Variants in ATXN2 observed in about 807,000 individuals in gnomAD.
ATXN2 encodes the protein ataxin-2.
A neutral mutation model predicts 138.6 loss-of-function variants in ATXN2; 37 were observed. The observed-to-expected ratio is 0.27, with a 90% CI of 0.21 to 0.35. ATXN2 has a LOEUF of 0.35. Ranked by LOEUF, ATXN2 falls within the 10% of genes least tolerant of loss-of-function variation. The probability of loss-of-function intolerance (pLI) is 1.00; values close to 1 mark genes in which losing one functional copy is unlikely to be tolerated. For synonymous variants in ATXN2, 549 were observed against 543.7 expected, an observed-to-expected ratio of 1.01 and a Z score of -0.13; for missense variants, 1,216 against 1,480.3, an observed-to-expected ratio of 0.82 and a Z score of 2.93.
intron 1 of ATXN2, among the ~76,000 whole-genome samples, chr12:111,587,339 A>G (rs1214831372): frequency 6.6e-6 from 1 of 152,166 alleles, no homozygotes; most frequent in Non-Finnish European, 1.5e-5. Flanking sequence ...ATGACTTTAA[A>G]AAGCAATATG....
rs547296655 is a variant in ATXN2, at chr12:111,453,227, G to A, written c.3440-387C>T. ...CACAGGGCGCTCTCCCCTGTTCAGGGGCTGGGGCTAACGCTACACTCAAAG... is the reference window on the plus strand; with the variant it reads ...CACAGGGCGCTCTCCCCTGTTCAGGAGCTGGGGCTAACGCTACACTCAAAG... On this transcript the variant is annotated intron_variant, in intron 24 of 24. Transcript: ENST00000673436. This position sits in a 1 kb window ranked among gnomAD's most constrained non-coding sequence, Gnocchi z 5.4. The A allele has an allele frequency of 4.6e-6, 5 of 1,078,706 alleles. No individual in the cohort carries two copies. Among genetic ancestry groups the A allele is most frequent in the Admixed American group, 1.0e-4 (2 of 19,716 alleles). The allele number at this position is 1,078,706 out of a possible 1,614,324, so 66.8% of individuals were successfully genotyped here.
rs1212063829 is a variant in ATXN2, at chr12:111,599,200, G to A, written c.-166C>T. 3.3e-6 allele frequency: 4 copies of A among 1,203,488 alleles called. No individual in the cohort carries two copies. The highest frequency in any genetic ancestry group is 3.5e-5 in the East Asian group (1 of 28,544). 74.6% of individuals were successfully genotyped at this position (1,203,488 alleles called of 1,614,324 possible). A position where few individuals can be genotyped will look rare whatever the true frequency, so the allele number is the denominator to read the frequency against. ...GGCTGGCGAGGGGGAGAAGGAGGAC[G>A]ACGAAGGGGCGGGGAGGCCCGCCGA... On this transcript the variant is annotated 5_prime_UTR_variant, in exon 1 of 25. Coordinates refer to ENST00000673436, the MANE Select transcript of ATXN2 (RefSeq NM_001372574.1).
chr12:111,551,453 A>G (rs564866736), intron 5 of ATXN2, among the ~76,000 whole-genome samples: 4 of 152,374 alleles, frequency 2.6e-5, no homozygotes, highest in Admixed American at 1.3e-4. Flanking sequence ...AATTTTTAAT[A>G]TAACTACATA....
intron 1 of ATXN2, among the ~76,000 whole-genome samples, chr12:111,566,132 C>G (rs1319082436): frequency 1.3e-5 from 2 of 152,062 alleles, no homozygotes; most frequent in Admixed American, 6.6e-5. Context: ...ACGTTTAAGC[C>G]ATTTTATTTA....
At chr12:111,599,606 C>T (rs1885169995), upstream of ATXN2, 3 of 1,078,788 alleles carry the variant, frequency 2.8e-6, no homozygotes, top group East Asian at 1.8e-4. Flanking sequence ...GGAAGCAGAA[C>T]GTGAGGTGGC....
chr12:111,519,025 G>C (rs921620649), intron 8 of ATXN2, among the ~76,000 whole-genome samples: 1 of 151,992 alleles, frequency 6.6e-6, no homozygotes, highest in Non-Finnish European at 1.5e-5. Flanking sequence ...CTGCACAAAC[G>C]GAGTCACTGT....
In ATXN2 at chr12:111,508,434, T is replaced by A. The variant is rs555898102; in HGVS notation, c.1935+1115A>T. ...ATGTGTTAACTATTGTTTAACAAAT[T>A]GAAAAACTTTTTTTTTTTTTTTTTT... On this transcript the variant is annotated intron_variant, in intron 14 of 24. Coordinates refer to ENST00000673436, the MANE Select transcript of ATXN2 (RefSeq NM_001372574.1). Among the ~76,000 whole-genome samples the A allele has an allele frequency of 1.4e-4, 20 of 147,186 alleles. No homozygotes were observed. The South Asian group carries it at 4.3e-3, about 32-fold the overall frequency.
At chr12:111,506,728 G>A (rs1232871188) in intron 14 of ATXN2, among the ~76,000 whole-genome samples, 5 of 147,890 alleles carry the variant, frequency 3.4e-5, no homozygotes, top group Non-Finnish European at 5.9e-5. Context: ...AAGCTAGACT[G>A]TACTGCTGCC....
At position 111,552,419 on chromosome 12, in the gene ATXN2, T is replaced by C. The variant is rs748381703; in HGVS notation, c.432A>G (p.Val144=). Residue 144 remains valine, a synonymous_variant, in exon 5 of 25, where the codon GTA becomes GTG. Coordinates refer to ENST00000673436, the MANE Select transcript of ATXN2 (RefSeq NM_001372574.1). The surrounding 1 kb of genome is among the most constrained non-coding windows in gnomAD (Gnocchi z 4.1). ...FKTYSPKCDL[V]LDAAHEKSTE... The stretch of plus-strand genomic sequence containing the variant: ...TACTTTTCTCATGTGCGGCATCAAG[T>C]ACCAAATCACACTAAAATGAAAAAC... 8.1e-6 allele frequency: 13 copies of C among 1,607,236 alleles called. No individual in the cohort carries two copies. The Middle Eastern group carries it at 6.6e-4, about 82-fold the overall frequency.
chr12:111,475,712 A>T (rs1736948208), intron 18 of ATXN2, among the ~76,000 whole-genome samples: 1 of 151,966 alleles, frequency 6.6e-6, no homozygotes, highest in Non-Finnish European at 1.5e-5. Context: ...TTTTAGTAGT[A>T]AGTTAATTAT....
intron 18 of ATXN2, among the ~76,000 whole-genome samples, chr12:111,477,877 C>A (rs1876931716): frequency 1.3e-5 from 2 of 152,106 alleles, no homozygotes; most frequent in Admixed American, 6.6e-5. Context: ...ACCCCCGCAA[C>A]CTCGCTCAAG....
At chr12:111,532,766 C>G (rs1157035418) in intron 5 of ATXN2, among the ~76,000 whole-genome samples, 1 of 148,698 alleles carries the variant, frequency 6.7e-6, no homozygotes, top group Non-Finnish European at 1.5e-5. Context: ...TACTGACAAG[C>G]AGGAAGAAAG....
intron 10 of ATXN2, among the ~76,000 whole-genome samples, chr12:111,514,391 C>T (rs1313609255): frequency 6.6e-6 from 1 of 152,234 alleles, no homozygotes; most frequent in Non-Finnish European, 1.5e-5. Context: ...GAATGGCCCT[C>T]ATCAGAGAAG....
intron 22 of ATXN2, among the ~76,000 whole-genome samples, chr12:111,456,787 G>T (rs1226302551): frequency 2.0e-5 from 3 of 151,902 alleles, no homozygotes; most frequent in Non-Finnish European, 4.4e-5. Flanking sequence ...TCTCGCTGTT[G>T]TCCAAGCTGG....
At chr12:111,586,388 GTTT>G (rs759694846) in intron 1 of ATXN2, among the ~76,000 whole-genome samples, 1 of 114,862 alleles carries the variant, frequency 8.7e-6, no homozygotes, top group African/African-American at 3.0e-5. Context: ...CCCAAGTCTG[GTTT>G]TTTTTTTTTT....
rs1885084506 is a variant in ATXN2 at position 111,598,931 on chromosome 12, T to C, written c.104A>G (p.Asn35Ser). The C allele has an allele frequency of 1.3e-6, 2 of 1,511,482 alleles. No individual in the cohort carries two copies. Among genetic ancestry groups the C allele is most frequent in the Non-Finnish European group, 1.8e-6 (2 of 1,135,226 alleles). The allele number at this position is 1,511,482 out of a possible 1,614,324, so 93.6% of individuals were successfully genotyped here. ...GCCGCTGCCGCCGGGCTTGCGGACA[T>C]TGGCAGCCGCGGGCGGCGGCTGCTG... Reference protein sequence around the residue: ...QQQQPPPAAANVRKPGGSGLL... With the variant: ...QQQQPPPAAASVRKPGGSGLL... The change falls in exon 1 of 25, where the codon AAT becomes AGT. Residue 35 changes from asparagine (N) to serine (S), a missense_variant. Coordinates refer to ENST00000673436, the MANE Select transcript of ATXN2 (RefSeq NM_001372574.1). The surrounding 1 kb of genome is among the most constrained non-coding windows in gnomAD (Gnocchi z 4.5).
At chr12:111,587,037 C>T (rs1477595808) in intron 1 of ATXN2, among the ~76,000 whole-genome samples, 5 of 147,702 alleles carry the variant, frequency 3.4e-5, no homozygotes. Flanking sequence ...AAGTTGGAGG[C>T]CAGCCTGGGC....
intron 14 of ATXN2, among the ~76,000 whole-genome samples, chr12:111,504,904 A>C (rs1201702660): frequency 6.6e-6 from 1 of 152,184 alleles, no homozygotes; most frequent in African/African-American, 2.4e-5. Flanking sequence ...CCAGACCCCC[A>C]GAGAGGGCTC....
chr12:111,596,751 A>T (rs964035858), intron 1 of ATXN2, among the ~76,000 whole-genome samples: 1 of 152,242 alleles, frequency 6.6e-6, no homozygotes, highest in Non-Finnish European at 1.5e-5. Flanking sequence ...TAAAGCAAGG[A>T]AAAATCTAAA....
Sources: gnomAD v4.1 joint callset for allele counts (sites outside exome capture counted in the v4.1 genomes callset) on GRCh38, gnomAD v4.1.1 for gene constraint, Gnocchi (gnomAD v3.1) non-coding constraint, MANE v1.5 for transcripts, NCBI Gene and HGNC (gene_info 2026-07-23, HGNC 2026-07-21) for gene names.